The following CALN1 variants were observed in gnomAD, a reference collection of about 807,000 sequenced individuals.
CALN1 encodes the protein calneuron 1.
A neutral mutation model predicts 30.6 loss-of-function variants in CALN1; 17 were observed. The observed-to-expected ratio is 0.56, with a 90% CI of 0.38 to 0.83. The LOEUF (loss-of-function observed/expected upper bound fraction) is 0.83, where lower values mean the gene tolerates loss of function less well. CALN1 is among the 40% of genes least tolerant of loss of function. The pLI is 0.00. For synonymous variants in CALN1, 156 were observed against 131.4 expected (o/e 1.19, Z -1.28); for missense variants, 291 against 354.9 (o/e 0.82, Z 1.45).
intron 2 of CALN1, among the ~76,000 whole-genome samples, chr7:72,320,691 C>T (rs976135728): frequency 3.9e-5 from 6 of 151,952 alleles, no homozygotes; most frequent in Non-Finnish European, 7.4e-5. Flanking sequence ...AAAAATTACC[C>T]AGGCATGGTG....
chr7:72,163,224 GA>G (rs1191488303), intron 3 of CALN1, among the ~76,000 whole-genome samples: 5 of 152,006 alleles, frequency 3.3e-5, no homozygotes, highest in African/African-American at 1.2e-4. Flanking sequence ...GGACAAAATA[GA>G]AAAATGCCGT....
Position 72,285,901 on chromosome 7 carries a change from G to A in CALN1, c.120-7091C>T, listed in dbSNP as rs182577367. On this transcript the variant is annotated intron_variant, in intron 2 of 6. Transcript: ENST00000395275. ...TGTCCTCCAATTACCAGACATACAA[G>A]GGGCAATATTGATCTTGCATGCTAA... Among the ~76,000 whole-genome samples the A allele has an allele frequency of 2.6e-5, 4 of 152,194 alleles. No individual in the cohort carries two copies. In the East Asian group the frequency reaches 7.7e-4, roughly 29 times the overall value.
intron 5 of CALN1, among the ~76,000 whole-genome samples, chr7:72,001,074 T>C (rs72506800): frequency 0.053 from 7,979 of 151,874 alleles, 607 homozygotes; most frequent in East Asian, 0.32. Flanking sequence ...AATGGACTCA[T>C]GTATATGCAC....
At chr7:72,047,145 T>C (rs1802522167) in intron 4 of CALN1, among the ~76,000 whole-genome samples, 1 of 152,124 alleles carries the variant, frequency 6.6e-6, no homozygotes, top group African/African-American at 2.4e-5. Context: ...TGCCCTTTAA[T>C]GTACAAAAAC....
rs143963923 is a variant in CALN1, at chr7:72,288,096, G to A, written c.120-9286C>T. Among the ~76,000 whole-genome samples the A allele has an allele frequency of 1.3e-3, 202 of 151,878 alleles. 1 individual carries two copies. The highest frequency in any genetic ancestry group is 4.6e-3 in the African/African-American group (192 of 41,536). Reference sequence around the variant, plus strand: ...GAGCTGCTTAAGCTGGGTGGTTCTGGCTCAAGGAGTCTCCTCTGATTGCGG... The same window carrying A: ...GAGCTGCTTAAGCTGGGTGGTTCTGACTCAAGGAGTCTCCTCTGATTGCGG... On this transcript the variant is annotated intron_variant, in intron 2 of 6. Transcript: ENST00000395275.
intron 3 of CALN1, among the ~76,000 whole-genome samples, chr7:72,140,276 A>AAGAGAGAGAGAGAGAG (rs71069028): frequency 3.3e-5 from 4 of 119,860 alleles, no homozygotes; most frequent in African/African-American, 1.3e-4. Context: ...GTCTCAAAAT[A>AAGAGAGAGAGAGAGAG]AGAGAGAGAG....
chr7:72,364,314 TAC>T (rs1803749910), intron 2 of CALN1, among the ~76,000 whole-genome samples: 1 of 152,202 alleles, frequency 6.6e-6, no homozygotes, highest in South Asian at 2.1e-4. Context: ...ATTCAATATT[TAC>T]AGAGTCAAAA....
At chr7:72,284,715 T>C (rs1327663613) in intron 2 of CALN1, among the ~76,000 whole-genome samples, 2 of 152,194 alleles carry the variant, frequency 1.3e-5, no homozygotes, top group African/African-American at 4.8e-5. Flanking sequence ...ATTATTTCTC[T>C]TGGGTCTTCA....
chr7:71,855,018 T>C (rs1790861334), intron 5 of CALN1, among the ~76,000 whole-genome samples: 1 of 152,204 alleles, frequency 6.6e-6, no homozygotes, highest in African/African-American at 2.4e-5. Flanking sequence ...TCTGAGGTTC[T>C]GTGTAAAGAA....
chr7:72,423,127 AAG>A (rs974095758), intron 1 of CALN1, among the ~76,000 whole-genome samples: 3 of 152,012 alleles, frequency 2.0e-5, no homozygotes, highest in African/African-American at 7.2e-5. Context: ...AAAAAAGAAA[AAG>A]AAAATATTTC....
chr7:72,447,943 C>T (rs1808575704), upstream of CALN1, among the ~76,000 whole-genome samples: 1 of 151,380 alleles, frequency 6.6e-6, no homozygotes, highest in Non-Finnish European at 1.5e-5. Flanking sequence ...TGTACACACA[C>T]AGACGCCTGC....
chr7:72,341,035 G>A lies in CALN1; in HGVS notation c.119+62216C>T, dbSNP rs1210889981. Among the ~76,000 whole-genome samples, 10 of 151,856 alleles carry A rather than the reference G, an allele frequency of 6.6e-5. No individual in the cohort carries two copies. In the East Asian group the frequency reaches 7.7e-4, roughly 12 times the overall value. The stretch of plus-strand genomic sequence containing the variant: ...ATGTCTTTATCAGCAATGTGAAAAC[G>A]AATTCATACAGAAGGTATTATATTT... On this transcript the variant is annotated intron_variant, in intron 2 of 6. Transcript: ENST00000395275.
intron 3 of CALN1, among the ~76,000 whole-genome samples, chr7:72,264,569 T>C (rs1422032721): frequency 1.3e-5 from 2 of 151,872 alleles, no homozygotes; most frequent in Non-Finnish European, 2.9e-5. Flanking sequence ...TCATAGCTCA[T>C]TGCATCCTGG....
At chr7:72,244,052 C>G (rs142968553) in intron 3 of CALN1, among the ~76,000 whole-genome samples, 1 of 152,300 alleles carries the variant, frequency 6.6e-6, no homozygotes, top group Non-Finnish European at 1.5e-5. Flanking sequence ...TTTCTGAAGG[C>G]TGAATCTCCT....
At chr7:71,847,466 A>G (rs1584359032) in intron 5 of CALN1, among the ~76,000 whole-genome samples, 1 of 152,034 alleles carries the variant, frequency 6.6e-6, no homozygotes, top group East Asian at 1.9e-4. Flanking sequence ...CCTGGCCAAC[A>G]TGGTGAAACC....
the CALN1 span, among the ~76,000 whole-genome samples, chr7:72,456,204 G>C: frequency 6.6e-6 from 1 of 150,908 alleles, no homozygotes; most frequent in Non-Finnish European, 1.5e-5. Context: ...AAAAGAGAGA[G>C]AGAGAGAGAT....
At chr7:72,243,060 T>G (rs1363932001) in intron 3 of CALN1, among the ~76,000 whole-genome samples, 1 of 152,148 alleles carries the variant, frequency 6.6e-6, no homozygotes, top group Non-Finnish European at 1.5e-5. Context: ...TAAAGGGAAG[T>G]GATGCGGAGT....
intron 3 of CALN1, among the ~76,000 whole-genome samples, chr7:72,257,235 C>T (rs904044132): frequency 1.3e-5 from 2 of 152,182 alleles, no homozygotes; most frequent in African/African-American, 4.8e-5. Flanking sequence ...TATCCAATCA[C>T]CTTCCACCAG....
chr7:71,965,595 C>CA (rs553913715), intron 5 of CALN1, among the ~76,000 whole-genome samples: 115 of 150,748 alleles, frequency 7.6e-4, no homozygotes, highest in African/African-American at 2.7e-3. Context: ...AACAAACAAA[C>CA]ATTAAATGCA....
Sources: allele counts gnomAD v4.1 joint callset (sites outside exome capture counted in the v4.1 genomes callset), GRCh38; gene constraint gnomAD v4.1.1; transcripts MANE v1.5; gene names NCBI Gene and HGNC (gene_info 2026-07-23, HGNC 2026-07-21).